The following TTC12 variants were observed in gnomAD, a reference collection of about 807,000 sequenced individuals.
The protein encoded by TTC12 is tetratricopeptide repeat domain 12.
Under a neutral mutation model 90.1 loss-of-function variants are expected in TTC12, and 70 were observed. The ratio of observed to expected loss-of-function variants is 0.78; its 90% CI spans 0.64 to 0.95. The LOEUF is 0.95. TTC12 is among the 40% of genes least tolerant of loss of function. The probability of loss-of-function intolerance (pLI) is 0.00; values close to 1 mark genes in which losing one functional copy is unlikely to be tolerated. For missense variants in TTC12, 819 were observed against 846.1 expected, an observed-to-expected ratio of 0.97 and a Z score of 0.40; for synonymous variants, 296 against 311.5, an observed-to-expected ratio of 0.95 and a Z score of 0.53.
chr11:113,332,266 G>C (rs189424470), intron 7 of TTC12, among the ~76,000 whole-genome samples: 2 of 152,194 alleles, frequency 1.3e-5, no homozygotes, highest in East Asian at 1.9e-4. Flanking sequence ...ATTCTCGTGA[G>C]GGTCGACACA....
intron 21 of TTC12, 139 bp downstream of exon 21, chr11:113,365,199 C>A: frequency 1.4e-6 from 1 of 732,614 alleles, no homozygotes; most frequent in South Asian, 1.8e-5. Flanking sequence ...CTAGGTTAAG[C>A]CCAGTAGCTG....
intron 3 of TTC12, 35 bp downstream of exon 3, chr11:113,323,486 T>C (rs1555139585): frequency 1.4e-6 from 2 of 1,461,508 alleles, no homozygotes; most frequent in Non-Finnish European, 1.8e-6. Flanking sequence ...TATAAGTACT[T>C]ACAGTGAGAA....
chr11:113,326,466 G>A (rs146021004), intron 6 of TTC12, among the ~76,000 whole-genome samples: 86 of 152,252 alleles, frequency 5.6e-4, no homozygotes, highest in African/African-American at 2.0e-3. Context: ...CCTGTCATTT[G>A]CAAGAGGGAG....
At chr11:113,338,434 T>C in intron 8 of TTC12, among the ~76,000 whole-genome samples, 1 of 152,228 alleles carries the variant, frequency 6.6e-6, no homozygotes, top group East Asian at 1.9e-4. Flanking sequence ...CAGCCTCCTT[T>C]CTCAGTGCAA....
At chr11:113,364,243 C>T (rs1950089215) in intron 20 of TTC12, 6 of 288,484 alleles carry the variant, frequency 2.1e-5, no homozygotes, top group East Asian at 7.8e-5. Flanking sequence ...GGGGAAACAC[C>T]GTCAACGTTT....
chr11:113,365,139 T>G (rs1950141005), intron 21 of TTC12, 79 bp downstream of exon 21: 1 of 1,304,974 alleles, frequency 7.7e-7, no homozygotes, highest in South Asian at 1.2e-5. Flanking sequence ...TGGCTGGGAC[T>G]GCATGCCACA....
intron 20 of TTC12, chr11:113,364,435 C>T (rs930440745): frequency 1.6e-5 from 4 of 254,768 alleles, no homozygotes; most frequent in Non-Finnish European, 3.1e-5. Flanking sequence ...AAGCCTTTCT[C>T]CTGGATCCTG....
intron 7 of TTC12, 56 bp downstream of exon 7, chr11:113,330,035 C>A: frequency 1.5e-6 from 2 of 1,378,684 alleles, no homozygotes; most frequent in African/African-American, 1.4e-5. Context: ...AGATAGAAGG[C>A]AGCTGCCAGT....
In TTC12 at chr11:113,330,035, C is replaced by T. The variant is rs909625363; in HGVS notation, c.504+56C>T. The T allele has an allele frequency of 1.0e-5, 14 of 1,378,566 alleles. No homozygotes were observed. In the Admixed American group the frequency reaches 1.3e-4, roughly 13 times the overall value. 85.4% of individuals were successfully genotyped at this position (1,378,566 alleles called of 1,614,324 possible). On this transcript the variant is annotated intron_variant, in intron 7 of 21. Coordinates refer to ENST00000529221, the MANE Select transcript of TTC12 (RefSeq NM_017868.4). ...GTGTTGGGCTGAAGTAGATAGAAGG[C>T]AGCTGCCAGTGTATCAAGATAGGAA...
At chr11:113,327,808 C>A (rs1947784301) in intron 6 of TTC12, among the ~76,000 whole-genome samples, 1 of 152,150 alleles carries the variant, frequency 6.6e-6, no homozygotes, top group African/African-American at 2.4e-5. Flanking sequence ...AAACCTGAGA[C>A]CCTGGAGAAA....
rs143440905 is a variant in TTC12 at position 113,325,597 on chromosome 11, T to C, written c.396T>C (p.Gly132=). The change falls in exon 6 of 22, where the codon GGT becomes GGC. Residue 132 remains glycine, a synonymous_variant. Coordinates refer to ENST00000529221, the MANE Select transcript of TTC12 (RefSeq NM_017868.4). ...CAGCTATCCTGCGCTACAGTGAGGG[T>C]TTGGAGAAGCTGAAGGACATGAAAG... ...YETAILRYSE[G]LEKLKDMKVL... The C allele has an allele frequency of 1.6e-5, 26 of 1,613,858 alleles. No individual in the cohort carries two copies. The African/African-American group carries it at 3.2e-4, about 20-fold the overall frequency.
intron 21 of TTC12, chr11:113,365,526 G>A (rs1221263117): frequency 8.4e-5 from 17 of 203,566 alleles, no homozygotes; most frequent in Non-Finnish European, 4.1e-5. Context: ...GTTCATGCAG[G>A]AGAAAACAGT....
At chr11:113,325,689 A>G (rs371480268) in intron 6 of TTC12, 44 bp downstream of exon 6, 54 of 1,605,138 alleles carry the variant, frequency 3.4e-5, no homozygotes, top group Non-Finnish European at 4.2e-5. Context: ...CTCAGGGAAT[A>G]GTTGCCACTA....
intron 16 of TTC12, among the ~76,000 whole-genome samples, chr11:113,354,686 A>G (rs1177233658): frequency 6.6e-6 from 1 of 152,210 alleles, no homozygotes; most frequent in African/African-American, 2.4e-5. Flanking sequence ...GTTGAATTTT[A>G]TCAAAAGCCT....
intron 8 of TTC12, among the ~76,000 whole-genome samples, chr11:113,336,907 G>A (rs538144645): frequency 6.6e-6 from 1 of 152,216 alleles, no homozygotes; most frequent in East Asian, 1.9e-4. Context: ...ATTTTGATGG[G>A]TATTACATGA....
intron 5 of TTC12, 65 bp downstream of exon 5, chr11:113,324,747 C>A: frequency 7.1e-7 from 1 of 1,416,598 alleles, no homozygotes; most frequent in Non-Finnish European, 9.9e-7. Context: ...ACACGAAGGC[C>A]TGTATGCTGA....
chr11:113,348,100 T>A (rs1949073656), intron 13 of TTC12, among the ~76,000 whole-genome samples: 1 of 152,224 alleles, frequency 6.6e-6, no homozygotes, highest in Non-Finnish European at 1.5e-5. Context: ...GCAAAGGGTG[T>A]AAGTCTCACT....
chr11:113,355,315 T>A lies in TTC12; in HGVS notation c.1446+3108T>A, dbSNP rs569418798. 7.9e-5 allele frequency among the ~76,000 whole-genome samples: 12 copies of A among 152,226 alleles called. No individual in the cohort carries two copies. In the South Asian group the frequency reaches 2.5e-3, roughly 32 times the overall value. Reference sequence around the variant, plus strand: ...GGGTCAGTGGTGATATCCCCCCTGTTGTTTCTGATTGTGTCTATTTGCATA... The same window carrying A: ...GGGTCAGTGGTGATATCCCCCCTGTAGTTTCTGATTGTGTCTATTTGCATA... On this transcript the variant is annotated intron_variant, in intron 16 of 21. Transcript: ENST00000529221.
intron 13 of TTC12, among the ~76,000 whole-genome samples, chr11:113,346,783 T>G (rs1020287714): frequency 6.0e-5 from 9 of 149,564 alleles, no homozygotes; most frequent in Non-Finnish European, 1.3e-4. Flanking sequence ...CTAACATCAA[T>G]TAAGCCTGAC....
Sources: allele counts gnomAD v4.1 joint callset (sites outside exome capture counted in the v4.1 genomes callset), GRCh38; gene constraint gnomAD v4.1.1; transcripts MANE v1.5; gene names NCBI Gene and HGNC (gene_info 2026-07-23, HGNC 2026-07-21).